EPPK1: variants seen among roughly 807,000 people sequenced by gnomAD.
EPPK1 encodes epiplakin 1, also known as epiplakin.
For missense variants in EPPK1, 3,823 were observed against 3,673.3 expected (o/e 1.04, Z -1.05); for synonymous variants, 1,862 against 1,721.2 (o/e 1.08, Z -2.03).
rs762120294 is a variant in EPPK1, at chr8:143,866,614, C to T, written c.6640G>A (p.Asp2214Asn). 113 of 1,612,876 alleles carry T rather than the reference C, an allele frequency of 7.0e-5. No homozygotes were observed. The South Asian group carries it at 7.6e-4, about 11-fold the overall frequency. The change falls in exon 2 of 2, where the codon GAC becomes AAC. Residue 2214 changes from aspartate (D) to asparagine (N), a missense_variant. By Grantham distance (23) the Asp-to-Asn change is conservative (BLOSUM62 1). Transcript: ENST00000615648. ...CCCTCCAGGTAGCGCTTGACGCGGT[C>T]GTCCTCCATGAGCTCTTGCGTCGTG... ...RSTTQELMED[D>N]RVKRYLEGTS...
rs782676327 is a variant in EPPK1, at chr8:143,870,590, G to A, written c.2664C>T (p.Thr888=). 31 of 1,609,200 alleles carry A rather than the reference G, an allele frequency of 1.9e-5. No homozygotes were observed. The highest frequency in any genetic ancestry group is 2.3e-5 in the Non-Finnish European group (27 of 1,178,662). The part of the protein sequence containing the change: ...IMLPALRSRV[T]VHQLLEAGII... ...TACCGGCCTCCAGGAGCTGGTGGAC[G>A]GTGACCCGGCTCCGCAGTGCGGGCA... is the stretch of plus-strand genomic sequence containing the variant. The change falls in exon 2 of 2, where the codon ACC becomes ACT. Residue 888 remains threonine, a synonymous_variant. Coordinates refer to ENST00000615648, the MANE Select transcript of EPPK1 (RefSeq NM_031308.4). This position sits in a 1 kb window ranked among gnomAD's most constrained non-coding sequence, Gnocchi z 5.2.
At position 143,870,849 on chromosome 8, in the gene EPPK1, T is replaced by C. The variant is rs781783169; in HGVS notation, c.2405A>G (p.Gln802Arg). 2.5e-6 allele frequency: 4 copies of C among 1,612,750 alleles called. No individual in the cohort carries two copies. The African/African-American group carries it at 4.0e-5, about 16-fold the overall frequency. The change falls in exon 2 of 2, where the codon CAG (glutamine) becomes CGG (arginine). Residue 802 changes from glutamine (Q) to arginine (R), a missense_variant. Physicochemically the swap from Gln to Arg is conservative, Grantham distance 43. Coordinates refer to ENST00000615648, the MANE Select transcript of EPPK1 (RefSeq NM_031308.4). The surrounding 1 kb of genome is among the most constrained non-coding windows in gnomAD (Gnocchi z 5.2). ...GLYLLPLSST[Q>R]SPLVDSATQQ... ...GGTGGCACTGTCCACCAGCGGGGAC[T>C]GCGTGCTGCTGAGTGGCAGGAGGTA...
Position 143,868,135 on chromosome 8 carries a change from A to C in EPPK1, c.5119T>G (p.Cys1707Gly). The change falls in exon 2 of 2, where the codon TGC becomes GGC. Residue 1707 changes from cysteine (C) to glycine (G), a missense_variant. Coordinates refer to ENST00000615648, the MANE Select transcript of EPPK1 (RefSeq NM_031308.4). ...HRVPVDVAYR[C>G]GYFDEEMNRI... The stretch of plus-strand genomic sequence containing the variant: ...TTCATCTCCTCGTCGAAGTAGCCGC[A>C]GCGGTAGGCCACGTCCACGGGCACG... The C allele has an allele frequency of 6.2e-7, 1 of 1,613,226 alleles. No individual in the cohort carries two copies.
At chr8:143,879,056 TC>T (rs1819547599), upstream of EPPK1, among the ~76,000 whole-genome samples, 2 of 152,218 alleles carry the variant, frequency 1.3e-5, no homozygotes, top group East Asian at 3.9e-4. Context: ...GAGTACCTGG[TC>T]CCCTCTCTGA....
chr8:143,877,370 A>AG (rs1334778480), intron 1 of EPPK1, among the ~76,000 whole-genome samples: 1 of 152,016 alleles, frequency 6.6e-6, no homozygotes, highest in Non-Finnish European at 1.5e-5. Context: ...GGGCATCTGG[A>AG]GGAGGTGGCT....
At position 143,870,537 on chromosome 8, in the gene EPPK1, A is replaced by T; in HGVS notation, c.2717T>A (p.Val906Glu). ...CTCCGGGCTGATTGTCCCGGCCAGC[A>T]CTTGGTCCAACAGCTGCTGGTCAAT... ...GIIDQQLLDQ[V>E]LAGTISPEAL... The change falls in exon 2 of 2, where the codon GTG becomes GAG. Residue 906 changes from valine (V) to glutamate (E), a missense_variant. Val to Glu is a moderately radical substitution (Grantham distance 121). Transcript: ENST00000615648. This position sits in a 1 kb window ranked among gnomAD's most constrained non-coding sequence, Gnocchi z 5.2. 2 of 1,611,320 alleles carry T rather than the reference A, an allele frequency of 1.2e-6. No individual in the cohort carries two copies. The highest frequency in any genetic ancestry group is 2.2e-5 in the South Asian group (2 of 91,022).
intron 1 of EPPK1, among the ~76,000 whole-genome samples, chr8:143,875,544 G>A (rs1170579847): frequency 1.3e-5 from 2 of 152,266 alleles, no homozygotes; most frequent in Non-Finnish European, 2.9e-5. Flanking sequence ...AGGACACAGT[G>A]TCAGGTGGCT....
rs782690379 is a variant in EPPK1, at chr8:143,869,532, C to A, written c.3722G>T (p.Cys1241Phe). 1 of 1,561,808 alleles carries A rather than the reference C, an allele frequency of 6.4e-7. No individual in the cohort carries two copies. The highest frequency in any genetic ancestry group is 8.6e-7 in the Non-Finnish European group (1 of 1,156,614). Residue 1241 changes from cysteine to phenylalanine, a missense_variant, in exon 2 of 2, where the codon TGC becomes TTC. Coordinates refer to ENST00000615648, the MANE Select transcript of EPPK1 (RefSeq NM_031308.4). ...GGCCACGCAGCCTGTGCCCCACAGG[C>A]AGGCCTTCACCGCCGGCTGCTCGGC... ...QVAEQPAVKA[C>F]LWGTGCVAGV...
In EPPK1 at chr8:143,866,404, C is replaced by T. The variant is rs1460103608; in HGVS notation, c.6850G>A (p.Glu2284Lys). 1 of 1,133,776 alleles carries T rather than the reference C, an allele frequency of 8.8e-7. No homozygotes were observed. Among genetic ancestry groups the T allele is most frequent in the Admixed American group, 3.0e-5 (1 of 33,642 alleles). 70.2% of individuals were successfully genotyped at this position (1,133,776 alleles called of 1,614,324 possible). A position where few individuals can be genotyped will look rare whatever the true frequency, so the allele number is the denominator to read the frequency against. The stretch of plus-strand genomic sequence containing the variant: ...ACCACGCCCGCGGCCACGGCCTCCT[C>T]CACCGACAGCCTCAGGTTGCGCACG... ...DPVRNLRLSV[E>K]EAVAAGVVGG... The change falls in exon 2 of 2, where the codon GAG becomes AAG. Residue 2284 changes from glutamate (E) to lysine (K), a missense_variant. Transcript: ENST00000615648.
chr8:143,871,834 C>T lies in EPPK1; in HGVS notation c.1420G>A (p.Gly474Arg), dbSNP rs1563887366. The change falls in exon 2 of 2, where the codon GGA becomes AGA. Residue 474 changes from glycine (G) to arginine (R), a missense_variant. Coordinates refer to ENST00000615648, the MANE Select transcript of EPPK1 (RefSeq NM_031308.4). The stretch of plus-strand genomic sequence containing the variant: ...AATGGGGGTCCCTGGGGCTCCCCTC[C>T]CCGGGGTCCCCCTGAGAGTGGCAGG... ...AFLPLSGGPR[G>R]GEPQGPPFIK... 3 of 1,612,270 alleles carry T rather than the reference C, an allele frequency of 1.9e-6. No homozygotes were observed. Among genetic ancestry groups the T allele is most frequent in the Admixed American group, 1.7e-5 (1 of 60,006 alleles).
rs782426672 is a variant in EPPK1 at position 143,872,152 on chromosome 8, C to T, written c.1102G>A (p.Asp368Asn). The T allele has an allele frequency of 3.6e-5, 57 of 1,580,712 alleles. No individual in the cohort carries two copies. The highest frequency in any genetic ancestry group is 5.8e-5 in the South Asian group (5 of 86,900). The change falls in exon 2 of 2, where the codon GAC becomes AAC. Residue 368 changes from aspartate to asparagine, a missense_variant. Coordinates refer to ENST00000615648, the MANE Select transcript of EPPK1 (RefSeq NM_031308.4). ...GGGATTTGGGAGCCACTGAAGGGGT[C>T]GTGGTGCCCTGTCACGGCCTGCTCG... ...VAEQAVTGHH[D>N]PFSGSQIPLF... is the part of the protein sequence containing the mutation.
chr8:143,866,950 C>T lies in EPPK1; in HGVS notation c.6304G>A (p.Ala2102Thr), dbSNP rs781937384. 3 of 1,612,758 alleles carry T rather than the reference C, an allele frequency of 1.9e-6. No homozygotes were observed. The highest frequency in any genetic ancestry group is 2.2e-5 in the East Asian group (1 of 44,886). The change falls in exon 2 of 2, where the codon GCC (alanine) becomes ACC (threonine). Residue 2102 changes from alanine (A) to threonine (T), a missense_variant. By Grantham distance (58) the Ala-to-Thr change is moderately conservative (BLOSUM62 0). Transcript: ENST00000615648. ...SEHIDDETRR[A>T]LEAEQVEITV... ...ATTTCCACTTGCTCTGCCTCCAGGG[C>T]CCTTCTCGTCTCGTCATCGATGTGC...
chr8:143,868,553 C>T lies in EPPK1; in HGVS notation c.4701G>A (p.Leu1567=). 1 of 1,604,862 alleles carries T rather than the reference C, an allele frequency of 6.2e-7. No individual in the cohort carries two copies. The highest frequency in any genetic ancestry group is 8.5e-7 in the Non-Finnish European group (1 of 1,176,354). ...VAEMDSVKRS[L]EGGNFIAGVL... ...CCCCGGCAATGAAGTTGCCTCCCTC[C>T]AGGGACCGCTTCACGCTGTCCATCT... The change falls in exon 2 of 2, where the codon CTG becomes CTA. Residue 1567 remains leucine (L), a synonymous_variant. Coordinates refer to ENST00000615648, the MANE Select transcript of EPPK1 (RefSeq NM_031308.4).
Position 143,859,291 on chromosome 8 carries a change from G to C in EPPK1, c.13963C>G (p.Arg4655Gly), listed in dbSNP as rs1246116060. 3 of 374,150 alleles carry C rather than the reference G, an allele frequency of 8.0e-6. No homozygotes were observed. The highest frequency in any genetic ancestry group is 4.7e-5 in the Admixed American group (1 of 21,138). 23.2% of individuals were successfully genotyped at this position (374,150 alleles called of 1,614,324 possible). Residue 4655 changes from arginine (R) to glycine (G), a missense_variant, in exon 2 of 2, where the codon CGT (arginine) becomes GGT (glycine). By Grantham distance (125) the Arg-to-Gly change is moderately radical. Transcript: ENST00000615648. ...ACCTTGACCTCCATGGTGGCCGCAC[G>C]CAGGGCCTCCCGGGGGTCTGGGCGC... is the stretch of plus-strand genomic sequence containing the variant. ...SPRPDPREAL[R>G]AATMEVKVGR...
chr8:143,866,556 G>T lies in EPPK1; in HGVS notation c.6698C>A (p.Ala2233Asp), dbSNP rs1406653276. The T allele has an allele frequency of 7.5e-6, 12 of 1,603,058 alleles. No individual in the cohort carries two copies. Among genetic ancestry groups the T allele is most frequent in the African/African-American group, 5.4e-5 (4 of 74,652 alleles). ...TSCIAGVLVP[A>D]KDQPGRQEKM... ...CTCCTGGCGGCCGGGCTGGTCCTTGGCGGGCACCAGGACGCCCGCGATGCA... is the reference window on the plus strand; with the variant it reads ...CTCCTGGCGGCCGGGCTGGTCCTTGTCGGGCACCAGGACGCCCGCGATGCA... Residue 2233 changes from alanine (A) to aspartate (D), a missense_variant, in exon 2 of 2, where the codon GCC (alanine) becomes GAC (aspartate). Transcript: ENST00000615648.
rs1217147809 is a variant in EPPK1 at position 143,872,354 on chromosome 8, G to C, written c.900C>G (p.Ser300Arg). The change falls in exon 2 of 2, where the codon AGC (serine) becomes AGG (arginine). Residue 300 changes from serine (S) to arginine (R), a missense_variant. Ser to Arg is a moderately radical substitution (Grantham distance 110). Transcript: ENST00000615648. Reference sequence around the variant, plus strand: ...GGTGCTCGGTGGCAGCCTGGAAAAAGCTCTTCTTGTGGCCTTCGGGCAGCA... The same window carrying C: ...GGTGCTCGGTGGCAGCCTGGAAAAACCTCTTCTTGTGGCCTTCGGGCAGCA... ...VVLLPEGHKK[S>R]FFQAATEHLL... The C allele has an allele frequency of 1.9e-6, 3 of 1,605,688 alleles. No individual in the cohort carries two copies. The highest frequency in any genetic ancestry group is 2.5e-6 in the Non-Finnish European group (3 of 1,178,302).
At position 143,869,294 on chromosome 8, in the gene EPPK1, GGCCTGCC is replaced by G. The variant is rs1819253739; in HGVS notation, c.3953_3959del (p.Gly1318AlafsTer74). 1 of 1,604,838 alleles carries G rather than the reference GGCCTGCC, an allele frequency of 6.2e-7. No individual in the cohort carries two copies. On this transcript the variant is annotated frameshift_variant, in exon 2 of 2. Transcript: ENST00000615648. LOFTEE classifies it low-confidence loss of function (END_TRUNC). ...CTGGGTACCCGGCCGCCGCCCTCTC[GGCCTGCC>G]CGAGCTGCTCACTCAGCTCCCTGCC...
In EPPK1 at chr8:143,870,292, C is replaced by G; in HGVS notation, c.2962G>C (p.Val988Leu). 6.3e-7 allele frequency: 1 copy of G among 1,583,106 alleles called. No homozygotes were observed. Among genetic ancestry groups the G allele is most frequent in the Non-Finnish European group, 8.5e-7 (1 of 1,170,494 alleles). ...SPESLSVDEA[V>L]RRGVVGPELY... ...TCCGGCCCCACCACACCCCTGCGCA[C>G]GGCCTCATCCACCGAGAGGCTCTCT... The change falls in exon 2 of 2, where the codon GTG becomes CTG. Residue 988 changes from valine to leucine, a missense_variant. By Grantham distance (32) the Val-to-Leu change is conservative. Transcript: ENST00000615648. This position sits in a 1 kb window ranked among gnomAD's most constrained non-coding sequence, Gnocchi z 5.2.
rs1209713638 is a variant in EPPK1 at position 143,869,627 on chromosome 8, C to T, written c.3627G>A (p.Leu1209=). Residue 1209 remains leucine (L), a synonymous_variant, in exon 2 of 2, where the codon CTG becomes CTA. Transcript: ENST00000615648. The part of the protein sequence containing the change: ...PRGEVPAVWL[L]DAGIITQETL... ...TCTCCTGGGTGATGATGCCAGCATC[C>T]AGCAGCCAGACAGCGGGTACCTCAC... 1 of 1,581,740 alleles carries T rather than the reference C, an allele frequency of 6.3e-7. No homozygotes were observed. The highest frequency in any genetic ancestry group is 1.8e-5 in the Admixed American group (1 of 56,138).
Sources: allele counts gnomAD v4.1 joint callset (sites outside exome capture counted in the v4.1 genomes callset), GRCh38; gene constraint gnomAD v4.1.1; non-coding constraint Gnocchi (gnomAD v3.1); transcripts MANE v1.5; gene names NCBI Gene and HGNC (gene_info 2026-07-23, HGNC 2026-07-21).